Variants in CDH10 observed in about 807,000 individuals in gnomAD.
The protein encoded by CDH10 is cadherin-10.
In CDH10, 30 loss-of-function variants were observed where a neutral mutation model predicts 73.1. That is an observed-to-expected ratio of 0.41 (90% CI 0.31 to 0.56). The LOEUF is 0.56. Among genes scored for constraint, CDH10 ranks in the 20% least tolerant of loss-of-function variants. The probability of loss-of-function intolerance (pLI) is 0.27; values close to 1 mark genes in which losing one functional copy is unlikely to be tolerated. For synonymous variants in CDH10, 345 were observed against 348.2 expected, an observed-to-expected ratio of 0.99 and a Z score of 0.10; for missense variants, 815 against 973.7, an observed-to-expected ratio of 0.84 and a Z score of 2.17.
chr5:24,603,413 T>C (rs578178080), intron 1 of CDH10, among the ~76,000 whole-genome samples: 1 of 152,284 alleles, frequency 6.6e-6, no homozygotes, highest in South Asian at 2.1e-4. Context: ...AAAACAACCT[T>C]TGTGAAGACA....
chr5:24,505,086 T>A (rs765803427), intron 8 of CDH10, 26 bp downstream of exon 8: 3 of 1,488,798 alleles, frequency 2.0e-6, no homozygotes, highest in South Asian at 2.3e-5. Flanking sequence ...TCTAGATATA[T>A]GTTAGATACA....
In CDH10 at chr5:24,537,467, C is replaced by G. The variant is rs1554019664; in HGVS notation, c.439G>C (p.Val147Leu). ...LRPVEPESEF[V>L]IKIHDINDNE... ...TCATTGATATCATGAATTTTGATCACAAACTCTGACTCTGGCTCTACTGGC... is the reference window on the plus strand; with the variant it reads ...TCATTGATATCATGAATTTTGATCAGAAACTCTGACTCTGGCTCTACTGGC... Residue 147 changes from valine (V) to leucine (L), a missense_variant, in exon 3 of 12, where the codon GTG becomes CTG. Coordinates refer to ENST00000264463, the MANE Select transcript of CDH10 (RefSeq NM_006727.5). 1.2e-6 allele frequency: 2 copies of G among 1,612,632 alleles called. No individual in the cohort carries two copies. Among genetic ancestry groups the G allele is most frequent in the South Asian group, 1.1e-5 (1 of 91,044 alleles).
intron 8 of CDH10, among the ~76,000 whole-genome samples, chr5:24,502,371 G>A (rs1184267103): frequency 1.3e-5 from 2 of 152,120 alleles, no homozygotes; most frequent in Non-Finnish European, 2.9e-5. Context: ...TAGAAGAAAG[G>A]CCTTAAAACA....
chr5:24,634,958 C>A (rs1329174774), intron 1 of CDH10, among the ~76,000 whole-genome samples: 1 of 150,306 alleles, frequency 6.7e-6, no homozygotes, highest in Non-Finnish European at 1.5e-5. Context: ...TCCGTAGAAA[C>A]CATTCCAGAT....
At chr5:24,631,693 T>TA (rs1747710604) in intron 1 of CDH10, among the ~76,000 whole-genome samples, 1 of 152,028 alleles carries the variant, frequency 6.6e-6, no homozygotes, top group African/African-American at 2.4e-5. Flanking sequence ...ACAATGTACT[T>TA]ACTTTTAAAC....
intron 5 of CDH10, among the ~76,000 whole-genome samples, chr5:24,522,009 C>T (rs1743350248): frequency 1.3e-5 from 2 of 152,066 alleles, no homozygotes; most frequent in African/African-American, 2.4e-5. Context: ...TGGCAGGCGC[C>T]TGTAGTCCCA....
chr5:24,601,218 T>C (rs1274670990), intron 1 of CDH10, among the ~76,000 whole-genome samples: 2 of 152,204 alleles, frequency 1.3e-5, no homozygotes, highest in African/African-American at 4.8e-5. Flanking sequence ...AGCAAACATA[T>C]CATCATGGAC....
chr5:24,634,086 A>G (rs906004020), intron 1 of CDH10, among the ~76,000 whole-genome samples: 2 of 151,874 alleles, frequency 1.3e-5, no homozygotes, highest in Admixed American at 1.3e-4. Context: ...ATTGTTTTAA[A>G]CTTCAGACAT....
At chr5:24,567,871 T>A (rs1236242322) in intron 2 of CDH10, among the ~76,000 whole-genome samples, 1 of 152,160 alleles carries the variant, frequency 6.6e-6, no homozygotes, top group Non-Finnish European at 1.5e-5. Flanking sequence ...CCCTTCTTCC[T>A]ATAACTATGT....
At chr5:24,555,463 A>G (rs1354479121) in intron 2 of CDH10, among the ~76,000 whole-genome samples, 1 of 152,114 alleles carries the variant, frequency 6.6e-6, no homozygotes, top group Non-Finnish European at 1.5e-5. Context: ...ACAGATGTAG[A>G]CATTAATTAC....
At chr5:24,642,044 G>C (rs901557682) in intron 1 of CDH10, among the ~76,000 whole-genome samples, 1 of 152,048 alleles carries the variant, frequency 6.6e-6, no homozygotes, top group Non-Finnish European at 1.5e-5. Context: ...AATATAATAT[G>C]GCTAATGCTT....
chr5:24,584,879 C>T (rs1745939872), intron 2 of CDH10, among the ~76,000 whole-genome samples: 1 of 150,580 alleles, frequency 6.6e-6, no homozygotes, highest in Admixed American at 6.6e-5. Context: ...CAAGGTCTCA[C>T]TCTGTCATCC....
At chr5:24,584,356 T>G (rs973368772) in intron 2 of CDH10, among the ~76,000 whole-genome samples, 5 of 151,984 alleles carry the variant, frequency 3.3e-5, no homozygotes, top group African/African-American at 1.2e-4. Flanking sequence ...TGTATGATGG[T>G]GACTTTGAGC....
In CDH10 at chr5:24,556,774, A is replaced by C. The variant is rs561205910; in HGVS notation, c.232-19100T>G. ...ATAAAATATTTAATATAGCTGTATT[A>C]AAAAATCAGCCCATTTGGTATGCCT... On this transcript the variant is annotated intron_variant, in intron 2 of 11. Transcript: ENST00000264463. Among the ~76,000 whole-genome samples the C allele has an allele frequency of 7.2e-5, 11 of 151,916 alleles. No individual in the cohort carries two copies. The East Asian group carries it at 2.1e-3, about 29-fold the overall frequency.
chr5:24,572,216 G>A (rs1159765163), intron 2 of CDH10, among the ~76,000 whole-genome samples: 4 of 152,152 alleles, frequency 2.6e-5, no homozygotes, highest in Admixed American at 2.6e-4. Context: ...CTAGAGAAGT[G>A]AAGTCCGCCA....
intron 1 of CDH10, among the ~76,000 whole-genome samples, chr5:24,626,872 A>G (rs1747521727): frequency 2.5e-5 from 2 of 81,058 alleles, no homozygotes; most frequent in Admixed American, 3.5e-4. Flanking sequence ...ATGTGTATAT[A>G]TAAGTGTATA....
At chr5:24,549,502 T>G (rs1284752809) in intron 2 of CDH10, among the ~76,000 whole-genome samples, 1 of 150,916 alleles carries the variant, frequency 6.6e-6, no homozygotes, top group Non-Finnish European at 1.5e-5. Context: ...AAGTGGGTAA[T>G]AGTTCGTGTT....
chr5:24,578,440 CA>C (rs1389291525), intron 2 of CDH10: 2 of 329,464 alleles, frequency 6.1e-6, no homozygotes, highest in Non-Finnish European at 1.2e-5. Context: ...CTTTGCCATA[CA>C]AAGAGTAATA....
chr5:24,510,968 T>C (rs1742880599), intron 6 of CDH10, among the ~76,000 whole-genome samples: 2 of 152,220 alleles, frequency 1.3e-5, no homozygotes, highest in African/African-American at 2.4e-5. Context: ...GGACTTTTTA[T>C]ACCCCCAACT....
Sources: allele counts gnomAD v4.1 joint callset (sites outside exome capture counted in the v4.1 genomes callset), GRCh38; gene constraint gnomAD v4.1.1; transcripts MANE v1.5; gene names NCBI Gene and HGNC (gene_info 2026-07-23, HGNC 2026-07-21).